Variants in CNTN3 observed in about 807,000 individuals in gnomAD.
The protein encoded by CNTN3 is contactin-3.
CNTN3 carries 60 observed loss-of-function variants against 119.1 expected under a neutral mutation model. The observed-to-expected ratio is 0.50, with a 90% CI of 0.41 to 0.62. The LOEUF is 0.62. Ranked by LOEUF, CNTN3 falls within the 20% of genes least tolerant of loss-of-function variation. The pLI, the probability that CNTN3 is intolerant of heterozygous loss-of-function variation, is 0.00. For missense variants in CNTN3, 1,101 were observed against 1,242.4 expected (o/e 0.89, Z 1.71); for synonymous variants, 450 against 438.7 (o/e 1.03, Z -0.32).
intron 1 of CNTN3, among the ~76,000 whole-genome samples, chr3:74,552,230 G>C (rs1704002857): frequency 6.6e-6 from 1 of 152,196 alleles, no homozygotes; most frequent in Middle Eastern, 3.4e-3. Context: ...TTCACATTTT[G>C]ATGATTATGA....
chr3:74,504,360 G>T (rs1417259163), intron 2 of CNTN3, among the ~76,000 whole-genome samples: 1 of 152,134 alleles, frequency 6.6e-6, no homozygotes, highest in Non-Finnish European at 1.5e-5. Context: ...AACAGAATGA[G>T]CTCTAGCCTG....
intron 3 of CNTN3, among the ~76,000 whole-genome samples, chr3:74,496,221 A>G: frequency 6.6e-6 from 1 of 152,156 alleles, no homozygotes; most frequent in East Asian, 1.9e-4. Flanking sequence ...ATTCAGACTT[A>G]CGACTTACCT....
chr3:74,347,764 A>AT (rs1237660414), intron 11 of CNTN3, among the ~76,000 whole-genome samples: 1 of 152,204 alleles, frequency 6.6e-6, no homozygotes, highest in Admixed American at 6.5e-5. Context: ...TGAACACAGT[A>AT]TTTCTCAACC....
chr3:74,412,100 C>T (rs559978896), intron 5 of CNTN3, among the ~76,000 whole-genome samples: 264 of 152,292 alleles, frequency 1.7e-3, no homozygotes, highest in African/African-American at 6.0e-3. Flanking sequence ...CTTTGGGGAA[C>T]ATGATGTGTC....
chr3:74,486,700 A>C, intron 3 of CNTN3, 69 bp from the exon 4 acceptor site: 1 of 1,293,418 alleles, frequency 7.7e-7, no homozygotes, highest in Non-Finnish European at 1.0e-6. Flanking sequence ...TCCATTATAA[A>C]ATCTACTTTA....
intron 13 of CNTN3, among the ~76,000 whole-genome samples, chr3:74,314,288 G>A (rs1400961762): frequency 1.3e-5 from 2 of 152,256 alleles, no homozygotes; most frequent in East Asian, 3.9e-4. Flanking sequence ...TAAGAAATAT[G>A]ATAGAAATTA....
At chr3:74,412,960 A>G (rs1168814160) in intron 5 of CNTN3, among the ~76,000 whole-genome samples, 1 of 152,192 alleles carries the variant, frequency 6.6e-6, no homozygotes, top group Non-Finnish European at 1.5e-5. Context: ...GAAGACCACA[A>G]AGGTCAAATA....
intron 11 of CNTN3, among the ~76,000 whole-genome samples, chr3:74,349,471 G>C (rs1703767267): frequency 6.6e-6 from 1 of 152,192 alleles, no homozygotes; most frequent in South Asian, 2.1e-4. Flanking sequence ...ATTCCAGCCA[G>C]AGAAAACCAC....
At chr3:74,316,954 T>G (rs2106657192) in intron 13 of CNTN3, among the ~76,000 whole-genome samples, 1 of 151,806 alleles carries the variant, frequency 6.6e-6, no homozygotes, top group African/African-American at 2.4e-5. Context: ...TCTCCCATTA[T>G]TATTGTGTGG....
At chr3:74,300,641 C>T (rs1228780968) in intron 16 of CNTN3, among the ~76,000 whole-genome samples, 1 of 152,184 alleles carries the variant, frequency 6.6e-6, no homozygotes, top group Middle Eastern at 3.2e-3. Flanking sequence ...GTGCATTGTT[C>T]TGAGTGAAAC....
intron 1 of CNTN3, among the ~76,000 whole-genome samples, chr3:74,589,856 G>T (rs1249454296): frequency 6.8e-6 from 1 of 147,050 alleles, no homozygotes; most frequent in African/African-American, 2.5e-5. Context: ...CTATCACAAG[G>T]ACAAAAAACC....
intron 4 of CNTN3, among the ~76,000 whole-genome samples, chr3:74,484,277 C>T (rs1702812803): frequency 6.6e-6 from 1 of 151,956 alleles, no homozygotes; most frequent in Admixed American, 6.6e-5. Flanking sequence ...AATAGAAACA[C>T]CAAATGGAAG....
intron 1 of CNTN3, among the ~76,000 whole-genome samples, chr3:74,534,734 G>C (rs1703739549): frequency 6.6e-6 from 1 of 152,012 alleles, no homozygotes; most frequent in African/African-American, 2.4e-5. Context: ...AAATGTATAA[G>C]AGGCAGAATG....
intron 4 of CNTN3, among the ~76,000 whole-genome samples, chr3:74,427,889 G>A (rs2106903714): frequency 6.6e-6 from 1 of 152,124 alleles, no homozygotes; most frequent in Non-Finnish European, 1.5e-5. Context: ...GAAAAAAAAT[G>A]CAGAGGCATA....
chr3:74,378,905 G>A (rs1207808176), intron 5 of CNTN3, among the ~76,000 whole-genome samples: 1 of 152,118 alleles, frequency 6.6e-6, no homozygotes, highest in East Asian at 1.9e-4. Flanking sequence ...CAAAGCTCAT[G>A]CTAGGCCCCT....
At chr3:74,503,427 C>T (rs879411054) in intron 2 of CNTN3, among the ~76,000 whole-genome samples, 4 of 152,014 alleles carry the variant, frequency 2.6e-5, no homozygotes, top group Admixed American at 6.6e-5. Flanking sequence ...AATAATCAAA[C>T]GTGACAGGTC....
intron 18 of CNTN3, among the ~76,000 whole-genome samples, chr3:74,297,060 T>C (rs1000661257): frequency 6.6e-6 from 1 of 152,148 alleles, no homozygotes; most frequent in Non-Finnish European, 1.5e-5. Flanking sequence ...GAGTGAAGTA[T>C]GTCTGTATCT....
chr3:74,540,566 A>T (rs1703828414), intron 1 of CNTN3, among the ~76,000 whole-genome samples: 1 of 152,176 alleles, frequency 6.6e-6, no homozygotes, highest in South Asian at 2.1e-4. Flanking sequence ...ATTAATCTTC[A>T]CACTAACAGG....
At chr3:74,427,102 T>C in intron 4 of CNTN3, among the ~76,000 whole-genome samples, 1 of 152,250 alleles carries the variant, frequency 6.6e-6, no homozygotes, top group East Asian at 1.9e-4. Context: ...CCCATTGGTC[T>C]AGAGACAAGC....
Sources: allele counts gnomAD v4.1 joint callset (sites outside exome capture counted in the v4.1 genomes callset), GRCh38; gene constraint gnomAD v4.1.1; transcripts MANE v1.5; gene names NCBI Gene and HGNC (gene_info 2026-07-23, HGNC 2026-07-21).